Variants in CNTN4 observed in about 807,000 individuals in gnomAD.
The protein encoded by CNTN4 is contactin 4.
CNTN4 carries 77 observed loss-of-function variants against 122.5 expected under a neutral mutation model. The observed-to-expected ratio is 0.63, with a 90% confidence interval of 0.52 to 0.76. The LOEUF (loss-of-function observed/expected upper bound fraction) is 0.76. CNTN4 is among the 30% of genes least tolerant of loss of function. CNTN4 has a pLI of 0.00. For missense variants in CNTN4, 1,256 were observed against 1,259.1 expected, an observed-to-expected ratio of 1.00 and a Z score of 0.04; for synonymous variants, 512 against 447.0, an observed-to-expected ratio of 1.15 and a Z score of -1.83.
chr3:2,569,038 C>T (rs1012385370), intron 3 of CNTN4, among the ~76,000 whole-genome samples: 3 of 152,162 alleles, frequency 2.0e-5, no homozygotes, highest in Admixed American at 1.3e-4. Context: ...TTGATCAGCA[C>T]GTCCTGTTGA....
At chr3:2,737,042 C>CT (rs1477051417) in intron 5 of CNTN4, among the ~76,000 whole-genome samples, 1 of 152,042 alleles carries the variant, frequency 6.6e-6, no homozygotes, top group African/African-American at 2.4e-5. Flanking sequence ...CCTGAGCCTT[C>CT]TAAAGTGCTG....
At chr3:2,258,554 A>T (rs2040693674) in intron 2 of CNTN4, among the ~76,000 whole-genome samples, 1 of 152,152 alleles carries the variant, frequency 6.6e-6, no homozygotes, top group Non-Finnish European at 1.5e-5. Flanking sequence ...ATGTTTTCCT[A>T]CCTTTTTAAT....
intron 12 of CNTN4, among the ~76,000 whole-genome samples, chr3:2,925,045 A>G (rs1463060782): frequency 6.6e-6 from 1 of 152,202 alleles, no homozygotes; most frequent in African/African-American, 2.4e-5. Flanking sequence ...ATTTTCTTTA[A>G]AAGAGTCCCT....
At chr3:2,811,487 G>T (rs1315385889) in intron 6 of CNTN4, among the ~76,000 whole-genome samples, 1 of 150,264 alleles carries the variant, frequency 6.7e-6, no homozygotes, top group Non-Finnish European at 1.5e-5. Context: ...TTGAGGCAGA[G>T]TCTCGCTCTG....
chr3:2,852,793 T>A (rs888778605), intron 7 of CNTN4, among the ~76,000 whole-genome samples: 1 of 152,190 alleles, frequency 6.6e-6, no homozygotes, highest in Non-Finnish European at 1.5e-5. Flanking sequence ...GGTAAAGATA[T>A]TTATTTTAAA....
intron 14 of CNTN4, among the ~76,000 whole-genome samples, chr3:3,005,274 A>G (rs980299293): frequency 4.6e-5 from 7 of 152,210 alleles, no homozygotes; most frequent in African/African-American, 1.4e-4. Context: ...TGTCTTTGCA[A>G]TATGGATAGG....
chr3:2,799,909 T>G (rs928137404), intron 6 of CNTN4, among the ~76,000 whole-genome samples: 1 of 152,094 alleles, frequency 6.6e-6, no homozygotes, highest in African/African-American at 2.4e-5. Flanking sequence ...CCAGTGTATA[T>G]TTTTGTCAAT....
At chr3:2,432,691 T>C (rs775183431) in intron 3 of CNTN4, among the ~76,000 whole-genome samples, 5 of 152,134 alleles carry the variant, frequency 3.3e-5, no homozygotes, top group Admixed American at 6.5e-5. Flanking sequence ...TGTATATATA[T>C]ACCACATTTT....
At chr3:2,335,598 T>C (rs2043923441) in intron 2 of CNTN4, among the ~76,000 whole-genome samples, 1 of 151,694 alleles carries the variant, frequency 6.6e-6, no homozygotes, top group East Asian at 1.9e-4. Context: ...TTTTTTTTTT[T>C]TTTTAACCTT....
chr3:2,135,039 T>G (rs1419073384), intron 2 of CNTN4, among the ~76,000 whole-genome samples: 1 of 152,168 alleles, frequency 6.6e-6, no homozygotes, highest in Non-Finnish European at 1.5e-5. Context: ...AACAAAGAGT[T>G]ATCAGGCCCA....
intron 6 of CNTN4, among the ~76,000 whole-genome samples, chr3:2,809,929 A>G (rs2092564050): frequency 6.6e-6 from 1 of 152,236 alleles, no homozygotes; most frequent in Non-Finnish European, 1.5e-5. Context: ...CTAAAATGAG[A>G]AATAAAAATA....
rs530304225 is a variant in CNTN4 at position 2,239,137 on chromosome 3, T to C, written c.-144-100041T>C. 4.6e-5 allele frequency: 7 copies of C among 152,270 alleles called. No homozygotes were observed. The South Asian group carries it at 1.2e-3, about 27-fold the overall frequency. The allele number at this position is 152,270 out of a possible 1,614,324, so 9.4% of individuals were successfully genotyped here. A position where few individuals can be genotyped will look rare whatever the true frequency, so the allele number is the denominator to read the frequency against. On this transcript the variant is annotated intron_variant, in intron 2 of 24. Transcript: ENST00000418658. ...TTTTAATAACTTTTAATTTAGTGCA[T>C]ATATCATATACTGGAGAATTATCAA...
chr3:2,758,653 C>T (rs1034919573), intron 6 of CNTN4, among the ~76,000 whole-genome samples: 5 of 151,392 alleles, frequency 3.3e-5, no homozygotes, highest in African/African-American at 1.2e-4. Context: ...ATTACAGGCG[C>T]ACATCACCAC....
chr3:2,937,760 T>G (rs913575495), intron 13 of CNTN4, among the ~76,000 whole-genome samples: 3 of 152,116 alleles, frequency 2.0e-5, no homozygotes, highest in African/African-American at 7.2e-5. Context: ...GAAGAGACTC[T>G]CAGTCAGGCA....
intron 3 of CNTN4, among the ~76,000 whole-genome samples, chr3:2,389,140 G>A (rs550744487): frequency 1.6e-4 from 25 of 151,894 alleles, no homozygotes; most frequent in Admixed American, 2.6e-4. Context: ...CAGCCTGGGC[G>A]ACAGAGTGAG....
intron 2 of CNTN4, among the ~76,000 whole-genome samples, chr3:2,277,516 T>G (rs2149867266): frequency 6.6e-6 from 1 of 152,308 alleles, no homozygotes; most frequent in Admixed American, 6.5e-5. Flanking sequence ...ACCATTGTTT[T>G]ATTTTTTTCT....
At chr3:2,267,933 G>C (rs186109111) in intron 2 of CNTN4, among the ~76,000 whole-genome samples, 34 of 152,088 alleles carry the variant, frequency 2.2e-4, no homozygotes, top group Admixed American at 1.0e-3. Context: ...TTTTACGCTA[G>C]AGTTATAGTG....
rs181757555 is a variant in CNTN4, at chr3:2,949,172, T to C, written c.1358+23393T>C. Reference sequence around the variant, plus strand: ...TTGCTTTTCCCACTAACTGAAACACTTTCTTCCCTGATCTTTAATGAACAG... The same window carrying C: ...TTGCTTTTCCCACTAACTGAAACACCTTCTTCCCTGATCTTTAATGAACAG... On this transcript the variant is annotated intron_variant, in intron 13 of 24. Transcript: ENST00000418658. Among the ~76,000 whole-genome samples, 223 of 152,206 alleles carry C rather than the reference T, an allele frequency of 1.5e-3. 1 individual carries two copies. The highest frequency in any genetic ancestry group is 2.7e-3 in the Non-Finnish European group (185 of 68,022).
intron 6 of CNTN4, among the ~76,000 whole-genome samples, chr3:2,799,768 G>A (rs2092301375): frequency 6.6e-6 from 1 of 152,102 alleles, no homozygotes; most frequent in South Asian, 2.1e-4. Context: ...GTACATAGTA[G>A]GTAATACTAA....
Sources: allele counts gnomAD v4.1 joint callset (sites outside exome capture counted in the v4.1 genomes callset), GRCh38; gene constraint gnomAD v4.1.1; transcripts MANE v1.5; gene names NCBI Gene and HGNC (gene_info 2026-07-23, HGNC 2026-07-21).